The following ARHGAP42 variants were observed in gnomAD, a reference collection of about 807,000 sequenced individuals.
ARHGAP42 encodes the protein Rho GTPase activating protein 42.
In ARHGAP42, 63 loss-of-function variants were observed where a neutral mutation model predicts 125.0. The observed-to-expected ratio is 0.50, with a 90% CI of 0.41 to 0.62. The LOEUF (loss-of-function observed/expected upper bound fraction) is 0.62, where lower values mean the gene tolerates loss of function less well. Ranked by LOEUF, ARHGAP42 falls within the 20% of genes least tolerant of loss-of-function variation. The probability of loss-of-function intolerance (pLI) is 0.00; values close to 1 mark genes in which losing one functional copy is unlikely to be tolerated. For synonymous variants in ARHGAP42, 339 were observed against 351.0 expected, an observed-to-expected ratio of 0.97 and a Z score of 0.38; for missense variants, 766 against 1,024.2, an observed-to-expected ratio of 0.75 and a Z score of 3.44.
intron 8 of ARHGAP42, among the ~76,000 whole-genome samples, chr11:100,936,855 C>T (rs1464715273): frequency 1.3e-5 from 2 of 152,186 alleles, no homozygotes; most frequent in Non-Finnish European, 2.9e-5. Flanking sequence ...ATTTTTCTCA[C>T]AAAAATATTA....
In ARHGAP42 at chr11:100,931,240, A is replaced by G. The variant is rs192661657; in HGVS notation, c.598-1916A>G. ...TGCATTTTGGAGTGCTTTGGATTTCATGTTTTCAGATTAGTATTAGTACTT... is the reference window on the plus strand; with the variant it reads ...TGCATTTTGGAGTGCTTTGGATTTCGTGTTTTCAGATTAGTATTAGTACTT... On this transcript the variant is annotated intron_variant, in intron 6 of 23. Coordinates refer to ENST00000298815, the MANE Select transcript of ARHGAP42 (RefSeq NM_152432.4). Among the ~76,000 whole-genome samples, 32 of 152,290 alleles carry G rather than the reference A, an allele frequency of 2.1e-4. No individual in the cohort carries two copies. In the East Asian group the frequency reaches 5.2e-3, roughly 25 times the overall value.
intron 3 of ARHGAP42, among the ~76,000 whole-genome samples, chr11:100,807,650 C>G (rs983180238): frequency 1.2e-4 from 19 of 152,292 alleles, no homozygotes; most frequent in African/African-American, 4.6e-4. Context: ...TTGTTCTGTT[C>G]TATCCCATGT....
intron 1 of ARHGAP42, among the ~76,000 whole-genome samples, chr11:100,750,936 CTTTTTTTTT>C (rs762255065): frequency 2.4e-5 from 3 of 126,832 alleles, no homozygotes; most frequent in Non-Finnish European, 5.0e-5. Flanking sequence ...TTGATGTATA[CTTTTTTTTT>C]TTTTTTTTTT....
At chr11:100,908,155 TAAAC>T (rs1437241053) in intron 4 of ARHGAP42, among the ~76,000 whole-genome samples, 2 of 152,238 alleles carry the variant, frequency 1.3e-5, no homozygotes, top group Non-Finnish European at 2.9e-5. Flanking sequence ...TTTAAGTATT[TAAAC>T]AAAGCTTTCT....
intron 1 of ARHGAP42, among the ~76,000 whole-genome samples, chr11:100,705,018 A>C (rs796708555): frequency 0.22 from 30,015 of 134,176 alleles, 3,339 homozygotes; most frequent in African/African-American, 0.25. Flanking sequence ...AACAACAAAA[A>C]AAAAAAAAAA....
intron 2 of ARHGAP42, among the ~76,000 whole-genome samples, chr11:100,777,091 C>T (rs1863148666): frequency 2.0e-5 from 3 of 151,870 alleles, no homozygotes; most frequent in South Asian, 4.2e-4. Flanking sequence ...GATGAGAGCT[C>T]GAACATGAAC....
intron 10 of ARHGAP42, among the ~76,000 whole-genome samples, chr11:100,946,896 A>G (rs1352971152): frequency 1.3e-5 from 2 of 151,924 alleles, no homozygotes; most frequent in Non-Finnish European, 2.9e-5. Context: ...CAAACCATCA[A>G]TTTGTTAAAA....
intron 3 of ARHGAP42, among the ~76,000 whole-genome samples, chr11:100,803,375 A>G (rs566565748): frequency 1.3e-5 from 2 of 152,212 alleles, no homozygotes; most frequent in Non-Finnish European, 2.9e-5. Context: ...AAGCTATAGG[A>G]ATGGGTGAGA....
In ARHGAP42 at chr11:100,992,059, G is replaced by A; in HGVS notation, c.*3258G>A. Reference sequence around the variant, plus strand: ...TACCCTGCTCACCTTCTCACTCCTAGCACCGTTCTTCTGGTCTGTGTTGAA... The same window carrying A: ...TACCCTGCTCACCTTCTCACTCCTAACACCGTTCTTCTGGTCTGTGTTGAA... On this transcript the variant is annotated 3_prime_UTR_variant, in exon 24 of 24. Coordinates refer to ENST00000298815, the MANE Select transcript of ARHGAP42 (RefSeq NM_152432.4). 1 of 470,668 alleles carries A rather than the reference G, an allele frequency of 2.1e-6. No individual in the cohort carries two copies. Among genetic ancestry groups the A allele is most frequent in the Non-Finnish European group, 3.7e-6 (1 of 268,598 alleles). The allele number at this position is 470,668 out of a possible 1,614,324, so 29.2% of individuals were successfully genotyped here.
intron 3 of ARHGAP42, among the ~76,000 whole-genome samples, chr11:100,820,190 T>C (rs763581673): frequency 6.6e-6 from 1 of 152,178 alleles, no homozygotes; most frequent in African/African-American, 2.4e-5. Context: ...TCTCTTTTTC[T>C]CTGTTTCATG....
chr11:100,979,204 C>G (rs965258133), intron 22 of ARHGAP42, among the ~76,000 whole-genome samples, 155 bp downstream of exon 22: 8 of 152,162 alleles, frequency 5.3e-5, no homozygotes, highest in Non-Finnish European at 8.8e-5. Context: ...TGTCTGTAAA[C>G]AGCATATATC....
chr11:100,964,626 A>G (rs954880871), intron 16 of ARHGAP42, among the ~76,000 whole-genome samples: 6 of 152,304 alleles, frequency 3.9e-5, no homozygotes, highest in African/African-American at 1.2e-4. Context: ...TGCTGCAGTA[A>G]GAGAATGTTA....
chr11:100,942,289 A>G (rs1045462430), intron 9 of ARHGAP42, among the ~76,000 whole-genome samples: 6 of 152,154 alleles, frequency 3.9e-5, no homozygotes, highest in African/African-American at 1.2e-4. Context: ...TTGCCCCTGC[A>G]TGCCTTGTCC....
chr11:100,948,183 C>T (rs74631460), intron 10 of ARHGAP42, among the ~76,000 whole-genome samples: 14,058 of 152,110 alleles, frequency 0.092, 942 homozygotes, highest in Non-Finnish European at 0.13. Context: ...TAGTTTGAAA[C>T]TAGTCTCCTT....
chr11:100,827,498 A>C (rs1864548648), intron 3 of ARHGAP42, among the ~76,000 whole-genome samples: 1 of 152,208 alleles, frequency 6.6e-6, no homozygotes, highest in South Asian at 2.1e-4. Context: ...CCAAAGGTGC[A>C]TGGATCCCAA....
chr11:100,728,166 T>G (rs914555808), intron 1 of ARHGAP42, among the ~76,000 whole-genome samples: 5 of 152,144 alleles, frequency 3.3e-5, no homozygotes, highest in Admixed American at 3.3e-4. Flanking sequence ...TGTTCCCTCC[T>G]AAGAAGAAAG....
At position 100,687,527 on chromosome 11, in the gene ARHGAP42, C is replaced by T. The variant is rs1022665753; in HGVS notation, c.-152C>T. On this transcript the variant is annotated 5_prime_UTR_variant, in exon 1 of 24. Coordinates refer to ENST00000298815, the MANE Select transcript of ARHGAP42 (RefSeq NM_152432.4). ...AGCCCGGCGCAGGCGGCGCGGCGCT[C>T]GGGGCCCGTTTCCTCCGCGCAATCA... 4.4e-6 allele frequency: 2 copies of T among 455,634 alleles called. No homozygotes were observed. The highest frequency in any genetic ancestry group is 1.0e-4 in the South Asian group (1 of 9,810). The allele number at this position is 455,634 out of a possible 1,614,324, so 28.2% of individuals were successfully genotyped here. A position where few individuals can be genotyped will look rare whatever the true frequency, so the allele number is the denominator to read the frequency against.
chr11:100,776,867 C>T (rs1484764773), intron 2 of ARHGAP42, among the ~76,000 whole-genome samples: 1 of 151,660 alleles, frequency 6.6e-6, no homozygotes, highest in Non-Finnish European at 1.5e-5. Context: ...CCTGTAATCC[C>T]AGCTACTCGG....
chr11:100,972,516 T>TTGGATGGATGGA (rs111816630), intron 17 of ARHGAP42, among the ~76,000 whole-genome samples: 13,924 of 150,218 alleles, frequency 0.093, 913 homozygotes, highest in Non-Finnish European at 0.13. Context: ...CAGGGAAGTT[T>TTGGATGGATGGA]TGGATGGATG....
Sources: gnomAD v4.1 joint callset for allele counts (sites outside exome capture counted in the v4.1 genomes callset) on GRCh38, gnomAD v4.1.1 for gene constraint, MANE v1.5 for transcripts, NCBI Gene and HGNC (gene_info 2026-07-23, HGNC 2026-07-21) for gene names.